The following SLC2A8 variants were observed in gnomAD, a reference collection of about 807,000 sequenced individuals.
SLC2A8 encodes the protein solute carrier family 2, facilitated glucose transporter member 8.
Under a neutral mutation model 49.2 loss-of-function variants are expected in SLC2A8, and 53 were observed. That is an observed-to-expected ratio of 1.08 (90% confidence interval 0.86 to 1.35). SLC2A8 has a LOEUF of 1.35. SLC2A8 is among the 40% of genes most tolerant of loss of function. SLC2A8 has a pLI of 0.00. For synonymous variants in SLC2A8, 299 were observed against 297.0 expected (o/e 1.01, Z -0.07); for missense variants, 688 against 671.7 (o/e 1.02, Z -0.27).
intron 4 of SLC2A8, among the ~76,000 whole-genome samples, chr9:127,401,085 ACT>A (rs1436798471): frequency 6.6e-6 from 1 of 152,052 alleles, no homozygotes; most frequent in Non-Finnish European, 1.5e-5. Context: ...ACACAGTGAG[ACT>A]CTGTCTCAAA....
chr9:127,405,881 C>T (rs373187356), intron 9 of SLC2A8: 1 of 548,958 alleles, frequency 1.8e-6, no homozygotes, highest in African/African-American at 1.8e-5. Flanking sequence ...GTTGACAGGG[C>T]TGGGCTGCAG....
chr9:127,402,076 C>T (rs1833310456), intron 4 of SLC2A8, among the ~76,000 whole-genome samples: 1 of 152,250 alleles, frequency 6.6e-6, no homozygotes, highest in South Asian at 2.1e-4. Flanking sequence ...ACTCAACACT[C>T]AAGTGCCAGA....
Position 127,397,477 on chromosome 9 carries a change from G to A in SLC2A8, c.158G>A (p.Ser53Asn). ...GGCTACAGCTCCCCGGCCATCCCTA[G>A]CCTGCAGCGCGCCGCGCCCCCGGCC... ...ALGYSSPAIP[S>N]LQRAAPPAPR... is the part of the protein sequence containing the mutation. The change falls in exon 2 of 10, where the codon AGC becomes AAC. Residue 53 changes from serine to asparagine, a missense_variant. Physicochemically the swap from Ser to Asn is conservative, Grantham distance 46. Transcript: ENST00000373371. 3 of 1,476,184 alleles carry A rather than the reference G, an allele frequency of 2.0e-6. No individual in the cohort carries two copies. The highest frequency in any genetic ancestry group is 2.6e-5 in the South Asian group (2 of 77,676). 91.4% of individuals were successfully genotyped at this position (1,476,184 alleles called of 1,614,324 possible). A position where few individuals can be genotyped will look rare whatever the true frequency, so the allele number is the denominator to read the frequency against.
chr9:127,404,520 C>T (rs1833415349), intron 7 of SLC2A8: 1 of 401,422 alleles, frequency 2.5e-6, no homozygotes, highest in East Asian at 4.4e-5. Flanking sequence ...ACATTTGGTA[C>T]CCAGCAGCTG....
chr9:127,404,355 G>C (rs900204792), intron 7 of SLC2A8: 6 of 376,608 alleles, frequency 1.6e-5, no homozygotes, highest in Admixed American at 1.3e-4. Context: ...AGTGACTCAA[G>C]AGTTTGTGGG....
Position 127,404,815 on chromosome 9 carries a change from C to A in SLC2A8, c.977-3C>A. On this transcript the variant is annotated splice_polypyrimidine_tract_variant and splice_region_variant and intron_variant, in intron 7 of 9. Coordinates refer to ENST00000373371, the MANE Select transcript of SLC2A8 (RefSeq NM_014580.5). ...CCGCCCACTGCCGCCCTCCCGCCTG[C>A]AGGTGTGGTCATGGTGTTCAGCACG... is the stretch of plus-strand genomic sequence containing the variant. 6.2e-7 allele frequency: 1 copy of A among 1,606,748 alleles called. No homozygotes were observed. The highest frequency in any genetic ancestry group is 8.5e-7 in the Non-Finnish European group (1 of 1,175,244).
chr9:127,397,182 C>A lies in SLC2A8; in HGVS notation c.-49C>A. 6.9e-7 allele frequency: 1 copy of A among 1,440,200 alleles called. No homozygotes were observed. Among genetic ancestry groups the A allele is most frequent in the Non-Finnish European group, 9.0e-7 (1 of 1,105,128 alleles). The allele number at this position is 1,440,200 out of a possible 1,614,324, so 89.2% of individuals were successfully genotyped here. ...CCGGTGCGGGCCGCACTCGCAGGGC[C>A]CGTGGCGGTTCAGGCGCCAGAGCTG... is the stretch of plus-strand genomic sequence containing the variant. On this transcript the variant is annotated 5_prime_UTR_variant, in exon 1 of 10. Coordinates refer to ENST00000373371, the MANE Select transcript of SLC2A8 (RefSeq NM_014580.5).
Position 127,407,617 on chromosome 9 carries a change from C to T in SLC2A8, c.*368C>T, listed in dbSNP as rs553173731. 3.6e-5 allele frequency: 13 copies of T among 364,192 alleles called. No homozygotes were observed. The highest frequency in any genetic ancestry group is 3.0e-4 in the South Asian group (13 of 43,984). 22.6% of individuals were successfully genotyped at this position (364,192 alleles called of 1,614,324 possible). On this transcript the variant is annotated 3_prime_UTR_variant, in exon 10 of 10. Coordinates refer to ENST00000373371, the MANE Select transcript of SLC2A8 (RefSeq NM_014580.5). Reference sequence around the variant, plus strand: ...TTCAGTCGCTCCTCTCACGCGGCTGCCTTATCGGGAAGGAAATTTGTTTGC... The same window carrying T: ...TTCAGTCGCTCCTCTCACGCGGCTGTCTTATCGGGAAGGAAATTTGTTTGC...
chr9:127,397,900 T>C lies in SLC2A8; in HGVS notation c.220-5T>C, dbSNP rs933199449. The C allele has an allele frequency of 5.3e-6, 8 of 1,508,184 alleles. No homozygotes were observed. In the African/African-American group the frequency reaches 1.1e-4, roughly 21 times the overall value. The allele number at this position is 1,508,184 out of a possible 1,614,324, so 93.4% of individuals were successfully genotyped here. On this transcript the variant is annotated splice_region_variant and splice_polypyrimidine_tract_variant and intron_variant, in intron 2 of 9. Coordinates refer to ENST00000373371, the MANE Select transcript of SLC2A8 (RefSeq NM_014580.5). ...GCCCCCTCCTCAGCAGCCGCCCGCC[T>C]CCAGGCTGTCGTGACCCTGGGTGCC...
Position 127,404,835 on chromosome 9 carries a change from A to G in SLC2A8, c.994A>G (p.Ser332Gly), listed in dbSNP as rs1833429461. ...GCCTGCAGGTGTGGTCATGGTGTTC[A>G]GCACGAGTGCCTTCGGCGCCTACTT... ...LVLSGVVMVF[S>G]TSAFGAYFKL... is the part of the protein sequence containing the mutation. Residue 332 changes from serine to glycine, a missense_variant, in exon 8 of 10, where the codon AGC (serine) becomes GGC (glycine). By Grantham distance (56) the Ser-to-Gly change is moderately conservative. Transcript: ENST00000373371. 3.1e-6 allele frequency: 5 copies of G among 1,612,070 alleles called. No homozygotes were observed. Among genetic ancestry groups the G allele is most frequent in the South Asian group, 1.1e-5 (1 of 91,060 alleles).
intron 6 of SLC2A8, 75 bp downstream of exon 6, chr9:127,403,878 G>GC: frequency 6.2e-7 from 1 of 1,600,386 alleles, no homozygotes; most frequent in Admixed American, 1.7e-5. Context: ...CCAGGGCCCA[G>GC]CCATCCAGCA....
chr9:127,405,011 G>C lies in SLC2A8; in HGVS notation c.1150+20G>C. On this transcript the variant is annotated intron_variant, in intron 8 of 9. Coordinates refer to ENST00000373371, the MANE Select transcript of SLC2A8 (RefSeq NM_014580.5). ...TCGCCGGTAAGGGGGCCTGTGGGAG[G>C]CTGGGCGAGGAGTGGGAGGTGATCC... 1.9e-6 allele frequency: 3 copies of C among 1,583,866 alleles called. No individual in the cohort carries two copies. The highest frequency in any genetic ancestry group is 2.6e-6 in the Non-Finnish European group (3 of 1,164,964).
In SLC2A8 at chr9:127,403,659, G is replaced by C. The variant is rs1433712685; in HGVS notation, c.724-1G>C. The C allele has an allele frequency of 6.2e-7, 1 of 1,612,796 alleles. No individual in the cohort carries two copies. Among genetic ancestry groups the C allele is most frequent in the African/African-American group, 1.3e-5 (1 of 74,916 alleles). On this transcript the variant is annotated splice_acceptor_variant, in intron 5 of 9. Transcript: ENST00000373371. LOFTEE classifies it high-confidence loss of function. ...CTGATGGCCAGTATCCGTCAGAGCA[G>C]AGCTTTCACCTGGCCCTGCTGCGGC...
At chr9:127,400,317 C>A (rs950378264) in intron 4 of SLC2A8, among the ~76,000 whole-genome samples, 2 of 152,098 alleles carry the variant, frequency 1.3e-5, no homozygotes, top group Admixed American at 6.5e-5. Flanking sequence ...GCCACCACAC[C>A]TGGCTAATTG....
At chr9:127,403,595 C>G in intron 5 of SLC2A8, 65 bp from the exon 6 acceptor site, 2 of 1,602,496 alleles carry the variant, frequency 1.2e-6, no homozygotes, top group Non-Finnish European at 1.7e-6. Flanking sequence ...ACAGTAGACC[C>G]CCAGAGGGGG....
chr9:127,403,530 G>T (rs533537465), intron 5 of SLC2A8, 130 bp from the exon 6 acceptor site: 7 of 1,053,410 alleles, frequency 6.6e-6, no homozygotes, highest in African/African-American at 1.6e-5. Context: ...GAGGACACAG[G>T]GGGTGCTGGG....
chr9:127,402,491 G>A (rs1833324038), intron 4 of SLC2A8, 66 bp from the exon 5 acceptor site: 1 of 1,437,212 alleles, frequency 7.0e-7, no homozygotes, highest in African/African-American at 1.4e-5. Context: ...GAGTCTTTGA[G>A]GCTGGCAAGG....
intron 7 of SLC2A8, 58 bp from the exon 8 acceptor site, chr9:127,404,760 T>C (rs911602667): frequency 3.2e-6 from 5 of 1,552,672 alleles, no homozygotes; most frequent in Middle Eastern, 1.9e-4. Flanking sequence ...CAGGCCATGC[T>C]GCTGCGCCCT....
In SLC2A8 at chr9:127,403,415, C is replaced by T; in HGVS notation, c.724-245C>T. ...TGAGGGCAGCAGCTTGCTCTTTGCC[C>T]AGATTACCTCTTTGTGGCTCCCCCC... On this transcript the variant is annotated intron_variant, in intron 5 of 9. Coordinates refer to ENST00000373371, the MANE Select transcript of SLC2A8 (RefSeq NM_014580.5). 4 of 570,040 alleles carry T rather than the reference C, an allele frequency of 7.0e-6. No individual in the cohort carries two copies. In the South Asian group the frequency reaches 8.4e-5, roughly 12 times the overall value. The allele number at this position is 570,040 out of a possible 1,614,324, so 35.3% of individuals were successfully genotyped here.
Sources: allele counts gnomAD v4.1 joint callset (sites outside exome capture counted in the v4.1 genomes callset), GRCh38; gene constraint gnomAD v4.1.1; transcripts MANE v1.5; gene names NCBI Gene and HGNC (gene_info 2026-07-23, HGNC 2026-07-21).